Variants in DICER1 observed in about 807,000 individuals in gnomAD.
The protein encoded by DICER1 is endoribonuclease Dicer.
A neutral mutation model predicts 194.1 loss-of-function variants in DICER1; 43 were observed. That is an observed-to-expected ratio of 0.22 (90% CI 0.17 to 0.29). The LOEUF (loss-of-function observed/expected upper bound fraction) is 0.29, where lower values mean the gene tolerates loss of function less well. DICER1 is among the 10% of genes least tolerant of loss of function. The pLI is 1.00. For synonymous variants in DICER1, 832 were observed against 820.5 expected (o/e 1.01, Z -0.24); for missense variants, 1,608 against 2,317.0 (o/e 0.69, Z 6.28).
At position 95,124,339 on chromosome 14, in the gene DICER1, T is replaced by G; in HGVS notation, c.1233A>C (p.Ser411=). The G allele has an allele frequency of 6.2e-7, 1 of 1,613,970 alleles. No individual in the cohort carries two copies. The highest frequency in any genetic ancestry group is 1.1e-5 in the South Asian group (1 of 91,078). Residue 411 remains serine (S), a synonymous_variant, in exon 8 of 27, where the codon TCA becomes TCC. Coordinates refer to ENST00000343455, the MANE Select transcript of DICER1 (RefSeq NM_177438.3). The surrounding 1 kb of genome is among the most constrained non-coding windows in gnomAD (Gnocchi z 4.5). ...CATCATCATCCTCAGAATCACTCCA[T>G]GACACATAATTATCCTGATTTCTAT... ...YNNRNQDNYV[S]WSDSEDDDED...
At position 95,113,079 on chromosome 14, in the gene DICER1, C is replaced by G. The variant is rs1892120156; in HGVS notation, c.2040+13G>C. 2 of 1,612,708 alleles carry G rather than the reference C, an allele frequency of 1.2e-6. No homozygotes were observed. Among genetic ancestry groups the G allele is most frequent in the Non-Finnish European group, 1.7e-6 (2 of 1,178,832 alleles). ...TTTTAAAAGATAACAATCATTTCTT[C>G]TTCTAAACTTACAACAATGGAGGCT... On this transcript the variant is annotated intron_variant, in intron 12 of 26. Transcript: ENST00000343455.
At chr14:95,111,733 T>G (rs1236490992) in intron 13 of DICER1, among the ~76,000 whole-genome samples, 1 of 144,154 alleles carries the variant, frequency 6.9e-6, no homozygotes, top group Non-Finnish European at 1.5e-5. Context: ...CTAAATAAAA[T>G]GGCCATAGAA....
intron 6 of DICER1, 99 bp from the exon 7 acceptor site, chr14:95,126,847 A>T: frequency 1.7e-6 from 1 of 596,154 alleles, no homozygotes; most frequent in South Asian, 2.1e-5. Context: ...GGGAATAGAT[A>T]CTAAAAAAAA....
chr14:95,131,903 C>T (rs1405151212), intron 3 of DICER1, among the ~76,000 whole-genome samples: 1 of 152,126 alleles, frequency 6.6e-6, no homozygotes, highest in Non-Finnish European at 1.5e-5. Flanking sequence ...TTCCTCTAAG[C>T]CACCCTCCTG....
At chr14:95,134,506 G>A (rs889987173) in intron 1 of DICER1, 1 of 152,146 alleles carries the variant, frequency 6.6e-6, no homozygotes, top group African/African-American at 2.4e-5. Context: ...CTATGAAACT[G>A]GAAGAGATAA....
chr14:95,139,809 A>G (rs896335354), intron 1 of DICER1, among the ~76,000 whole-genome samples: 3 of 152,218 alleles, frequency 2.0e-5, no homozygotes, highest in African/African-American at 7.2e-5. Context: ...ATAAAGAACA[A>G]CAATTTAACC....
At position 95,129,373 on chromosome 14, in the gene DICER1, C is replaced by T. The variant is rs1893748916; in HGVS notation, c.734+99G>A. ...ATTCCTTTTTACTGCCATTTGTTCA[C>T]TTAAATAGGTACTCTCTGCAAGGTA... On this transcript the variant is annotated intron_variant, in intron 6 of 26. Transcript: ENST00000343455. 6 of 1,160,686 alleles carry T rather than the reference C, an allele frequency of 5.2e-6. No homozygotes were observed. In the Admixed American group the frequency reaches 8.6e-5, roughly 17 times the overall value. 71.9% of individuals were successfully genotyped at this position (1,160,686 alleles called of 1,614,324 possible).
At chr14:95,145,882 A>G (rs1482333916) in intron 1 of DICER1, among the ~76,000 whole-genome samples, 2 of 152,110 alleles carry the variant, frequency 1.3e-5, no homozygotes, top group African/African-American at 2.4e-5. Flanking sequence ...CCTAGTCATT[A>G]CCACACACAC....
chr14:95,128,318 G>A (rs567077093), intron 6 of DICER1, among the ~76,000 whole-genome samples: 18 of 152,022 alleles, frequency 1.2e-4, no homozygotes, highest in Non-Finnish European at 2.1e-4. Flanking sequence ...TTACTTAAAC[G>A]CTCTACTACT....
At chr14:95,105,000 A>T in intron 20 of DICER1, 71 bp downstream of exon 20, 2 of 1,412,564 alleles carry the variant, frequency 1.4e-6, no homozygotes, top group Non-Finnish European at 1.0e-6. Context: ...ATACAATTTT[A>T]ACTTAATTCT....
intron 8 of DICER1, among the ~76,000 whole-genome samples, chr14:95,120,332 G>C (rs1892833399): frequency 6.6e-6 from 1 of 152,200 alleles, no homozygotes; most frequent in South Asian, 2.1e-4. Flanking sequence ...TGAAGAATTA[G>C]CATCTACTGT....
intron 1 of DICER1, among the ~76,000 whole-genome samples, chr14:95,155,615 C>T (rs1895802071): frequency 6.6e-6 from 1 of 152,168 alleles, no homozygotes; most frequent in African/African-American, 2.4e-5. Context: ...GCTTACCCTT[C>T]AAACATGAGA....
chr14:95,095,764 C>T (rs544003072), intron 23 of DICER1, 61 bp downstream of exon 23: 53 of 1,571,514 alleles, frequency 3.4e-5, no homozygotes, highest in Non-Finnish European at 3.8e-5. Context: ...AAGGCCAACA[C>T]GATGAGATCA....
Position 95,107,898 on chromosome 14 carries a change from C to A in DICER1, c.2632G>T (p.Val878Phe). ...KPTDADSAYC[V>F]LPLNVVNDSS... is the part of the protein sequence containing the mutation. Reference sequence around the variant, plus strand: ...TTCTTACCAACATTAAGAGGTAGAACACAGTATGCTGAATCAGCGTCTGTA... The same window carrying A: ...TTCTTACCAACATTAAGAGGTAGAAAACAGTATGCTGAATCAGCGTCTGTA... Residue 878 changes from valine (V) to phenylalanine (F), a missense_variant, in exon 16 of 27, where the codon GTT becomes TTT. Transcript: ENST00000343455. 1 of 1,613,876 alleles carries A rather than the reference C, an allele frequency of 6.2e-7. No homozygotes were observed. The highest frequency in any genetic ancestry group is 8.5e-7 in the Non-Finnish European group (1 of 1,179,828).
In DICER1 at chr14:95,124,551, G is replaced by A; in HGVS notation, c.1021C>T (p.His341Tyr). The A allele has an allele frequency of 1.2e-6, 2 of 1,613,856 alleles. No individual in the cohort carries two copies. The highest frequency in any genetic ancestry group is 2.7e-5 in the African/African-American group (2 of 75,012). The part of the protein sequence containing the change: ...KYIKHEQEEL[H>Y]RKFLLFTDTF... ...TCTGTAAACAATAAAAATTTCCTGTGCAGCTCCTCTTGCTCATGTTTGATG... is the reference window on the plus strand; with the variant it reads ...TCTGTAAACAATAAAAATTTCCTGTACAGCTCCTCTTGCTCATGTTTGATG... Residue 341 changes from histidine to tyrosine, a missense_variant, in exon 8 of 27, where the codon CAC (histidine) becomes TAC (tyrosine). Coordinates refer to ENST00000343455, the MANE Select transcript of DICER1 (RefSeq NM_177438.3). The surrounding 1 kb of genome is among the most constrained non-coding windows in gnomAD (Gnocchi z 4.5).
intron 26 of DICER1, 126 bp from the exon 27 acceptor site, chr14:95,090,789 C>A: frequency 8.3e-7 from 1 of 1,201,178 alleles, no homozygotes. Flanking sequence ...AAAGGAAACA[C>A]GCGTTACGAC....
intron 1 of DICER1, among the ~76,000 whole-genome samples, chr14:95,136,124 C>CACACACAG (rs3223546): frequency 1.4e-5 from 2 of 147,920 alleles, no homozygotes; most frequent in Non-Finnish European, 3.0e-5. Flanking sequence ...CACACACACA[C>CACACACAG]AGCTGATAAA....
intron 12 of DICER1, among the ~76,000 whole-genome samples, chr14:95,112,638 T>C (rs1892076316): frequency 2.0e-5 from 3 of 152,218 alleles, no homozygotes; most frequent in South Asian, 2.1e-4. Flanking sequence ...CTTGGAACAC[T>C]TGGAAATCAG....
At position 95,094,074 on chromosome 14, in the gene DICER1, C is replaced by T. The variant is rs1595330816; in HGVS notation, c.5178G>A (p.Gln1726=). 1 of 1,614,078 alleles carries T rather than the reference C, an allele frequency of 6.2e-7. No individual in the cohort carries two copies. Among genetic ancestry groups the T allele is most frequent in the Non-Finnish European group, 8.5e-7 (1 of 1,179,982 alleles). The stretch of plus-strand genomic sequence containing the variant: ...GGTCTGTCAGGACCCCCGGGGAGTG[C>T]TGCCGCGGGTCTTCATAAAGGTGCT... The part of the protein sequence containing the change: ...ITKHLYEDPR[Q]HSPGVLTDLR... The change falls in exon 24 of 27, where the codon CAG becomes CAA. Residue 1726 remains glutamine, a synonymous_variant. Transcript: ENST00000343455.
Sources: gnomAD v4.1 joint callset for allele counts (sites outside exome capture counted in the v4.1 genomes callset) on GRCh38, gnomAD v4.1.1 for gene constraint, Gnocchi (gnomAD v3.1) non-coding constraint, MANE v1.5 for transcripts, NCBI Gene and HGNC (gene_info 2026-07-23, HGNC 2026-07-21) for gene names.